GABRG3: variants seen among roughly 807,000 people sequenced by gnomAD.
The protein encoded by GABRG3 is gamma-aminobutyric acid type A receptor subunit gamma3.
Under a neutral mutation model 48.8 loss-of-function variants are expected in GABRG3, and 25 were observed. The observed-to-expected ratio is 0.51, with a 90% CI of 0.37 to 0.72. The LOEUF is 0.72. GABRG3 is among the 30% of genes least tolerant of loss of function. The pLI, the probability that GABRG3 is intolerant of heterozygous loss-of-function variation, is 0.00. For missense variants in GABRG3, 394 were observed against 577.9 expected (o/e 0.68, Z 3.26); for synonymous variants, 227 against 217.6 (o/e 1.04, Z -0.38).
intron 3 of GABRG3, among the ~76,000 whole-genome samples, chr15:27,218,081 C>A (rs764938281): frequency 3.9e-5 from 6 of 152,208 alleles, no homozygotes; most frequent in South Asian, 2.1e-4. Context: ...GCGATTACAG[C>A]TCGCTGTAGC....
intron 3 of GABRG3, among the ~76,000 whole-genome samples, chr15:27,125,718 G>A (rs1034980728): frequency 6.6e-6 from 1 of 152,146 alleles, no homozygotes; most frequent in Non-Finnish European, 1.5e-5. Flanking sequence ...TATTCTTTGC[G>A]GGAGCGCTGT....
intron 3 of GABRG3, 101 bp from the exon 4 acceptor site, chr15:27,326,707 AG>A: frequency 2.3e-6 from 2 of 877,088 alleles, no homozygotes; most frequent in Non-Finnish European, 3.7e-6. Flanking sequence ...TGGGGAGGTG[AG>A]GATGTCAACA....
intron 3 of GABRG3, among the ~76,000 whole-genome samples, chr15:27,036,399 C>T (rs1205406579): frequency 6.6e-6 from 1 of 152,144 alleles, no homozygotes; most frequent in Non-Finnish European, 1.5e-5. Flanking sequence ...ACGTGTTTCA[C>T]TTTCAGATGC....
chr15:27,101,808 T>C (rs1280968746), intron 3 of GABRG3, among the ~76,000 whole-genome samples: 1 of 50,936 alleles, frequency 2.0e-5, no homozygotes, highest in African/African-American at 9.0e-5. Flanking sequence ...AGGCCATAGA[T>C]AAAATACACT....
Position 27,456,104 on chromosome 15 carries a change from T to C in GABRG3, c.575-24546T>C, listed in dbSNP as rs572527360. 5.9e-5 allele frequency among the ~76,000 whole-genome samples: 9 copies of C among 152,306 alleles called. No homozygotes were observed. In the East Asian group the frequency reaches 1.7e-3, roughly 29 times the overall value. ...TATGGTCCCGCACTGCTTCTGGTCC[T>C]GCAGGTGATTCTGTTTTCTGACTCA... On this transcript the variant is annotated intron_variant, in intron 5 of 9. Coordinates refer to ENST00000615808, the MANE Select transcript of GABRG3 (RefSeq NM_033223.5).
At chr15:27,528,117 C>A in intron 9 of GABRG3, 125 bp downstream of exon 9, 2 of 719,658 alleles carry the variant, frequency 2.8e-6, no homozygotes, top group Non-Finnish European at 4.7e-6. Context: ...CACATGCTGA[C>A]TTCAAAAATG....
At chr15:27,484,471 T>C (rs2150846446) in intron 6 of GABRG3, among the ~76,000 whole-genome samples, 1 of 152,332 alleles carries the variant, frequency 6.6e-6, no homozygotes, top group Admixed American at 6.5e-5. Context: ...AGAAGCTAAA[T>C]ATATATGGAT....
intron 5 of GABRG3, among the ~76,000 whole-genome samples, chr15:27,470,757 C>CT (rs1595776895): frequency 2.0e-5 from 3 of 151,778 alleles, no homozygotes; most frequent in Non-Finnish European, 2.9e-5. Flanking sequence ...TTTTGCCATG[C>CT]TTTTTTTAAA....
chr15:27,482,983 G>A (rs950821750), intron 6 of GABRG3: 1 of 152,168 alleles, frequency 6.6e-6, no homozygotes. Flanking sequence ...TCTCTATTGG[G>A]ATAACATAAA....
At chr15:27,004,677 A>G (rs1280109883) in intron 2 of GABRG3, among the ~76,000 whole-genome samples, 2 of 152,228 alleles carry the variant, frequency 1.3e-5, no homozygotes, top group Non-Finnish European at 2.9e-5. Context: ...TCCATGAAAT[A>G]GTTTTTAAAC....
intron 3 of GABRG3, among the ~76,000 whole-genome samples, chr15:27,152,899 C>T (rs1340747705): frequency 2.1e-5 from 3 of 145,020 alleles, no homozygotes; most frequent in African/African-American, 5.1e-5. Flanking sequence ...CTCGCTCTGT[C>T]GCCCAGGCTG....
intron 1 of GABRG3, among the ~76,000 whole-genome samples, chr15:26,973,408 C>A (rs2140630017): frequency 6.6e-6 from 1 of 152,330 alleles, no homozygotes; most frequent in East Asian, 1.9e-4. Flanking sequence ...AAATTTTATA[C>A]TAACTTTATT....
chr15:27,402,621 T>C (rs1595731260), intron 5 of GABRG3, among the ~76,000 whole-genome samples: 1 of 152,294 alleles, frequency 6.6e-6, no homozygotes, highest in East Asian at 1.9e-4. Context: ...ATGTCAATCT[T>C]AAAATCAGAT....
rs1304163374 is a variant in GABRG3, at chr15:27,466,385, C to T, written c.575-14265C>T. 3.3e-5 allele frequency among the ~76,000 whole-genome samples: 5 copies of T among 152,158 alleles called. No homozygotes were observed. In the South Asian group the frequency reaches 6.2e-4, roughly 19 times the overall value. ...TATGCATGGGGAAAATAGCATTGTTCATAGAATCAGTAAAATTATTATTAT... is the reference window on the plus strand; with the variant it reads ...TATGCATGGGGAAAATAGCATTGTTTATAGAATCAGTAAAATTATTATTAT... On this transcript the variant is annotated intron_variant, in intron 5 of 9. Coordinates refer to ENST00000615808, the MANE Select transcript of GABRG3 (RefSeq NM_033223.5).
At chr15:27,064,545 A>G (rs1595502139) in intron 3 of GABRG3, among the ~76,000 whole-genome samples, 1 of 152,162 alleles carries the variant, frequency 6.6e-6, no homozygotes, top group East Asian at 1.9e-4. Flanking sequence ...TGAGGTGGGC[A>G]GCTGCCTCTT....
intron 3 of GABRG3, among the ~76,000 whole-genome samples, chr15:27,305,639 T>C (rs28531084): frequency 0.46 from 54,187 of 118,504 alleles, 14,389 homozygotes; most frequent in Non-Finnish European, 0.6. Flanking sequence ...TATAAACCTA[T>C]ATGTTTATAT....
intron 3 of GABRG3, among the ~76,000 whole-genome samples, chr15:27,062,255 G>A (rs914624798): frequency 1.3e-5 from 2 of 151,782 alleles, no homozygotes; most frequent in South Asian, 2.1e-4. Flanking sequence ...GCTTATATGT[G>A]CAGGTGGGCA....
chr15:27,531,188 C>A (rs1394703343), intron 9 of GABRG3, among the ~76,000 whole-genome samples: 1 of 152,108 alleles, frequency 6.6e-6, no homozygotes, highest in Admixed American at 6.5e-5. Flanking sequence ...GTGTGAGGAG[C>A]AAGCAACACC....
rs185689757 is a variant in GABRG3 at position 27,430,997 on chromosome 15, A to C, written c.575-49653A>C. ...AGAGCAAGTCCCTGTCTCAATAAAT[A>C]AATAAATAAATAAATAAATAAATAA... On this transcript the variant is annotated intron_variant, in intron 5 of 9. Coordinates refer to ENST00000615808, the MANE Select transcript of GABRG3 (RefSeq NM_033223.5). Among the ~76,000 whole-genome samples the C allele has an allele frequency of 3.2e-3, 411 of 129,464 alleles. 1 individual carries two copies. Among genetic ancestry groups the C allele is most frequent in the African/African-American group, 0.016 (394 of 25,238 alleles). 84.9% of individuals were successfully genotyped at this position (129,464 alleles called of 152,430 possible).
Sources: gnomAD v4.1 joint callset for allele counts (sites outside exome capture counted in the v4.1 genomes callset) on GRCh38, gnomAD v4.1.1 for gene constraint, MANE v1.5 for transcripts, NCBI Gene and HGNC (gene_info 2026-07-23, HGNC 2026-07-21) for gene names.